Variants in DCUN1D4 observed in about 807,000 individuals in gnomAD.
DCUN1D4 encodes the protein DCN1-like protein 4.
DCUN1D4 carries 22 observed loss-of-function variants against 47.9 expected under a neutral mutation model. The ratio of observed to expected loss-of-function variants is 0.46; its 90% confidence interval spans 0.33 to 0.66. DCUN1D4 has a LOEUF of 0.66. Ranked by LOEUF, DCUN1D4 falls within the 30% of genes least tolerant of loss-of-function variation. The pLI is 0.02. For missense variants in DCUN1D4, 301 were observed against 340.8 expected (o/e 0.88, Z 0.92); for synonymous variants, 121 against 112.2 (o/e 1.08, Z -0.50).
intron 1 of DCUN1D4, among the ~76,000 whole-genome samples, chr4:51,845,510 C>G (rs994979760): frequency 1.3e-5 from 2 of 152,130 alleles, no homozygotes; most frequent in Admixed American, 1.3e-4. Context: ...GGCTGCAATT[C>G]CTTCTCTCCT....
chr4:51,874,217 C>T, intron 3 of DCUN1D4, 54 bp from the exon 4 acceptor site: 2 of 1,183,728 alleles, frequency 1.7e-6, no homozygotes, highest in Admixed American at 2.1e-5. Flanking sequence ...TTTGGAAGTA[C>T]AGAGTTAGGA....
chr4:51,894,900 A>G (rs1455681069), intron 7 of DCUN1D4, among the ~76,000 whole-genome samples: 5 of 152,132 alleles, frequency 3.3e-5, no homozygotes, highest in Non-Finnish European at 7.4e-5. Flanking sequence ...AGAGAATTTT[A>G]TTTCTCTGGA....
At chr4:51,887,744 A>G (rs1028029253) in intron 6 of DCUN1D4, among the ~76,000 whole-genome samples, 15 of 152,166 alleles carry the variant, frequency 9.9e-5, no homozygotes, top group Admixed American at 9.2e-4. Context: ...TAAAGAAACT[A>G]GCAAAATTCA....
chr4:51,889,606 T>G (rs1730107475), intron 6 of DCUN1D4, among the ~76,000 whole-genome samples: 3 of 152,206 alleles, frequency 2.0e-5, no homozygotes, highest in African/African-American at 7.2e-5. Context: ...TTTTTTTAAC[T>G]TAACAAGTGT....
At chr4:51,871,008 G>A (rs1726801821) in intron 3 of DCUN1D4, among the ~76,000 whole-genome samples, 1 of 151,974 alleles carries the variant, frequency 6.6e-6, no homozygotes, top group Non-Finnish European at 1.5e-5. Flanking sequence ...CCAGCCATGT[G>A]AGAGTCAGTG....
intron 8 of DCUN1D4, 111 bp downstream of exon 8, chr4:51,899,489 C>T: frequency 6.8e-7 from 1 of 1,475,540 alleles, no homozygotes; most frequent in South Asian, 1.4e-5. Flanking sequence ...AATAAGTTAA[C>T]TCCCAGGATG....
In DCUN1D4 at chr4:51,863,421, C is replaced by T. The variant is rs757257962; in HGVS notation, c.26-16C>T. 2 of 1,591,064 alleles carry T rather than the reference C, an allele frequency of 1.3e-6. No homozygotes were observed. Among genetic ancestry groups the T allele is most frequent in the Non-Finnish European group, 1.7e-6 (2 of 1,163,744 alleles). On this transcript the variant is annotated splice_polypyrimidine_tract_variant and intron_variant, in intron 1 of 10. Transcript: ENST00000334635. The stretch of plus-strand genomic sequence containing the variant: ...GGAAATAAATGACGCTGACATTTTT[C>T]CTTTTTCTTTTCAAGATTTTCAGCT...
intron 3 of DCUN1D4, among the ~76,000 whole-genome samples, chr4:51,869,049 G>T (rs535517936): frequency 6.6e-6 from 1 of 151,204 alleles, no homozygotes; most frequent in Non-Finnish European, 1.5e-5. Context: ...ATCTGGACCC[G>T]GGGGGCCGAG....
At chr4:51,886,755 C>T (rs1345425748) in intron 6 of DCUN1D4, 117 bp downstream of exon 6, 1 of 830,742 alleles carries the variant, frequency 1.2e-6, no homozygotes, top group Non-Finnish European at 1.9e-6. Flanking sequence ...TTTTATGAAG[C>T]AGTCTAAGAA....
intron 1 of DCUN1D4, among the ~76,000 whole-genome samples, chr4:51,856,200 G>A (rs887274994): frequency 6.6e-6 from 1 of 152,054 alleles, no homozygotes; most frequent in African/African-American, 2.4e-5. Context: ...TCCTTCTGCC[G>A]CCTTTACAGG....
intron 4 of DCUN1D4, chr4:51,875,370 A>G (rs1727511563): frequency 6.6e-6 from 1 of 152,228 alleles, no homozygotes; most frequent in Non-Finnish European, 1.5e-5. Context: ...TAACAATCAC[A>G]TAACATTTTG....
At chr4:51,864,353 A>C (rs1035183134) in intron 3 of DCUN1D4, among the ~76,000 whole-genome samples, 31 of 152,222 alleles carry the variant, frequency 2.0e-4, no homozygotes, top group African/African-American at 6.5e-4. Context: ...AGTAATCATC[A>C]AGTCCAGAAA....
intron 1 of DCUN1D4, among the ~76,000 whole-genome samples, chr4:51,854,954 A>T (rs1048020681): frequency 3.9e-5 from 6 of 152,210 alleles, no homozygotes; most frequent in Non-Finnish European, 7.3e-5. Flanking sequence ...AGTATAATAC[A>T]AACAACAAAA....
chr4:51,844,889 A>C, intron 1 of DCUN1D4: 2 of 984,792 alleles, frequency 2.0e-6, no homozygotes, highest in Non-Finnish European at 2.4e-6. Context: ...TGCTCGGCCA[A>C]CTCGTGCTTT....
At chr4:51,870,183 T>G in intron 3 of DCUN1D4, among the ~76,000 whole-genome samples, 1 of 152,354 alleles carries the variant, frequency 6.6e-6, no homozygotes, top group East Asian at 1.9e-4. Flanking sequence ...CTTGTTTATA[T>G]TATTTGTATT....
intron 6 of DCUN1D4, among the ~76,000 whole-genome samples, chr4:51,889,123 A>G (rs992082555): frequency 1.3e-5 from 2 of 152,158 alleles, no homozygotes; most frequent in Admixed American, 6.5e-5. Context: ...AAGAAAAAAA[A>G]GAGAGAATAT....
At chr4:51,886,738 T>C in intron 6 of DCUN1D4, 100 bp downstream of exon 6, 2 of 1,000,738 alleles carry the variant, frequency 2.0e-6, no homozygotes, top group African/African-American at 3.3e-5. Flanking sequence ...AGTAGTGGTA[T>C]GTTAGTTTTT....
At chr4:51,882,971 G>A (rs968077777) in intron 5 of DCUN1D4, among the ~76,000 whole-genome samples, 2 of 151,848 alleles carry the variant, frequency 1.3e-5, no homozygotes, top group African/African-American at 4.8e-5. Context: ...TAACAAAATA[G>A]GAATAGATGA....
chr4:51,856,212 T>C (rs1016034809), intron 1 of DCUN1D4, among the ~76,000 whole-genome samples: 4 of 152,232 alleles, frequency 2.6e-5, no homozygotes, highest in Non-Finnish European at 5.9e-5. Flanking sequence ...CTTTACAGGT[T>C]TATTTCATCA....
Sources: allele counts gnomAD v4.1 joint callset (sites outside exome capture counted in the v4.1 genomes callset), GRCh38; gene constraint gnomAD v4.1.1; transcripts MANE v1.5; gene names NCBI Gene and HGNC (gene_info 2026-07-23, HGNC 2026-07-21).